MPHOSPH10: variants seen among roughly 807,000 people sequenced by gnomAD.
MPHOSPH10 encodes the protein M-phase phosphoprotein 10, also known as U3 small nucleolar ribonucleoprotein MPP10.
MPHOSPH10 carries 33 observed loss-of-function variants against 77.3 expected under a neutral mutation model. That is an observed-to-expected ratio of 0.43 (90% CI 0.32 to 0.57). The LOEUF is 0.57. Among genes scored for constraint, MPHOSPH10 ranks in the 20% least tolerant of loss-of-function variants. The probability of loss-of-function intolerance (pLI) is 0.07; values close to 1 mark genes in which losing one functional copy is unlikely to be tolerated. For synonymous variants in MPHOSPH10, 245 were observed against 268.0 expected (o/e 0.91, Z 0.84); for missense variants, 708 against 780.1 (o/e 0.91, Z 1.10).
At chr2:71,141,831 A>G (rs1300352547) in intron 7 of MPHOSPH10, among the ~76,000 whole-genome samples, 1 of 151,900 alleles carries the variant, frequency 6.6e-6, no homozygotes, top group Non-Finnish European at 1.5e-5. Context: ...GGAGTTTTAG[A>G]CCTGCCTGGC....
chr2:71,137,102 G>GA (rs1369391530), intron 4 of MPHOSPH10, among the ~76,000 whole-genome samples: 1 of 150,848 alleles, frequency 6.6e-6, no homozygotes, highest in Non-Finnish European at 1.5e-5. Context: ...ACATTAAGGA[G>GA]AAAAAACATA....
Position 71,138,774 on chromosome 2 carries a change from C to T in MPHOSPH10, c.1240+143C>T, listed in dbSNP as rs560264103. 3.8e-5 allele frequency: 45 copies of T among 1,181,222 alleles called. No homozygotes were observed. The African/African-American group carries it at 5.6e-4, about 15-fold the overall frequency. 73.2% of individuals were successfully genotyped at this position (1,181,222 alleles called of 1,614,324 possible). On this transcript the variant is annotated intron_variant, in intron 5 of 10. Transcript: ENST00000244230. Reference sequence around the variant, plus strand: ...ACATGGCTTGGCATGGTAGCTCACACCTGTAATCCCGGCACTTTGGGAGGC... The same window carrying T: ...ACATGGCTTGGCATGGTAGCTCACATCTGTAATCCCGGCACTTTGGGAGGC...
chr2:71,132,867 A>T, intron 1 of MPHOSPH10, 31 bp from the exon 2 acceptor site: 1 of 1,541,554 alleles, frequency 6.5e-7, no homozygotes. Context: ...ATTACCTGTA[A>T]TTCTAAATCT....
At chr2:71,137,910 G>C (rs866126110) in intron 4 of MPHOSPH10, among the ~76,000 whole-genome samples, 1 of 151,916 alleles carries the variant, frequency 6.6e-6, no homozygotes, top group African/African-American at 2.4e-5. Context: ...CCCAGCACTT[G>C]GTGAAACCCC....
In MPHOSPH10 at chr2:71,134,026, C is replaced by A; in HGVS notation, c.847C>A (p.His283Asn). 2 of 1,608,568 alleles carry A rather than the reference C, an allele frequency of 1.2e-6. No homozygotes were observed. Among genetic ancestry groups the A allele is most frequent in the South Asian group, 2.2e-5 (2 of 90,222 alleles). The change falls in exon 3 of 11, where the codon CAT (histidine) becomes AAT (asparagine). Residue 283 changes from histidine (H) to asparagine (N), a missense_variant. Physicochemically the swap from His to Asn is moderately conservative, Grantham distance 68. Coordinates refer to ENST00000244230, the MANE Select transcript of MPHOSPH10 (RefSeq NM_005791.3). Reference protein sequence around the residue: ...VESDEDITNVHDDELDSNKED... With the variant: ...VESDEDITNVNDDELDSNKED... ...AAGTGATGAAGACATAACAAATGTT[C>A]ATGATGATGAGCTGGATTCAAACAA...
At chr2:71,135,382 CT>C (rs1673467369) in intron 4 of MPHOSPH10, among the ~76,000 whole-genome samples, 1 of 127,628 alleles carries the variant, frequency 7.8e-6, no homozygotes, top group Non-Finnish European at 1.7e-5. Flanking sequence ...CCCATCTCTA[CT>C]AAAAAAAAAA....
chr2:71,139,818 A>G lies in MPHOSPH10; in HGVS notation c.1264A>G (p.Thr422Ala), dbSNP rs1673577178. 6.2e-7 allele frequency: 1 copy of G among 1,610,118 alleles called. No homozygotes were observed. Among genetic ancestry groups the G allele is most frequent in the Non-Finnish European group, 8.5e-7 (1 of 1,178,122 alleles). Residue 422 changes from threonine (T) to alanine (A), a missense_variant, in exon 6 of 11, where the codon ACC becomes GCC. Around this residue, in one of 3 missense-constraint regions of MPHOSPH10, gnomAD observed 263 missense variants for 320.0 expected, o/e 0.82. Transcript: ENST00000244230. ...RMAPVITEET[T>A]LQLEDIIKQR... ...AGCACCTGTGATTACAGAGGAAACC[A>G]CCCTTCAACTGGAAGATATCATTAA... is the stretch of plus-strand genomic sequence containing the variant.
At position 71,144,644 on chromosome 2, in the gene MPHOSPH10, G is replaced by A. The variant is rs868017555; in HGVS notation, c.1557+106G>A. 4.7e-6 allele frequency: 4 copies of A among 855,098 alleles called. No homozygotes were observed. Among genetic ancestry groups the A allele is most frequent in the African/African-American group, 3.5e-5 (2 of 57,910 alleles). The allele number at this position is 855,098 out of a possible 1,614,324, so 53.0% of individuals were successfully genotyped here. On this transcript the variant is annotated intron_variant, in intron 8 of 10. Transcript: ENST00000244230. ...TTTTGTTTCAGGATACAAACTTGTAGTTTGCTGTAAATTCCAGGCAGGGTC... is the reference window on the plus strand; with the variant it reads ...TTTTGTTTCAGGATACAAACTTGTAATTTGCTGTAAATTCCAGGCAGGGTC...
intron 8 of MPHOSPH10, among the ~76,000 whole-genome samples, chr2:71,146,495 C>G (rs1432397987): frequency 2.0e-5 from 3 of 152,240 alleles, no homozygotes; most frequent in East Asian, 3.9e-4. Context: ...ACCACCACGG[C>G]TGGCTAATTT....
Position 71,134,648 on chromosome 2 carries a change from G to A in MPHOSPH10, c.949G>A (p.Glu317Lys), listed in dbSNP as rs1270451641. The change falls in exon 4 of 11, where the codon GAA (glutamate) becomes AAA (lysine). Residue 317 changes from glutamate to lysine, a missense_variant. Coordinates refer to ENST00000244230, the MANE Select transcript of MPHOSPH10 (RefSeq NM_005791.3). ...SETDEDDDLQ[E>K]NEDNKQHKES... ...TAGGGATGAAGATGATGACCTTCAA[G>A]AAAATGAAGACAATAAACAACATAA... The A allele has an allele frequency of 1.2e-6, 2 of 1,603,920 alleles. No homozygotes were observed. The highest frequency in any genetic ancestry group is 1.7e-6 in the Non-Finnish European group (2 of 1,177,298).
chr2:71,149,276 CAAG>C lies in MPHOSPH10; in HGVS notation c.1722_1724del (p.Lys575del), dbSNP rs1558757575. The C allele has an allele frequency of 6.2e-7, 1 of 1,600,426 alleles. No homozygotes were observed. Among genetic ancestry groups the C allele is most frequent in the Non-Finnish European group, 8.5e-7 (1 of 1,173,278 alleles). ...CAGCTGCTGAAAAAACAGCTACAGACAAGAAACGAGAGCGAAGGAAAAAGAAAT... is the reference window on the plus strand; with the variant it reads ...CAGCTGCTGAAAAAACAGCTACAGACAAACGAGAGCGAAGGAAAAAGAAAT... On this transcript the variant is annotated inframe_deletion, in exon 10 of 11. Coordinates refer to ENST00000244230, the MANE Select transcript of MPHOSPH10 (RefSeq NM_005791.3).
chr2:71,130,722 C>T lies in MPHOSPH10; in HGVS notation c.57C>T (p.Gly19=), dbSNP rs1333148815. 7.4e-6 allele frequency: 12 copies of T among 1,610,834 alleles called. No individual in the cohort carries two copies. In the South Asian group the frequency reaches 1.3e-4, roughly 18 times the overall value. Residue 19 remains glycine (G), a synonymous_variant, in exon 1 of 11, where the codon GGC becomes GGT. Transcript: ENST00000244230. ...RTLERCLTEV[G]KATGRPECFL... ...TGGAGCGGTGTCTGACGGAAGTCGG[C>T]AAAGCCACGGGTCGGCCCGAGTGCT...
At chr2:71,144,642 T>A in intron 8 of MPHOSPH10, 104 bp downstream of exon 8, 1 of 850,722 alleles carries the variant, frequency 1.2e-6, no homozygotes, top group Non-Finnish European at 1.8e-6. Context: ...TACAAACTTG[T>A]AGTTTGCTGT....
chr2:71,145,228 C>T (rs1673684328), intron 8 of MPHOSPH10, among the ~76,000 whole-genome samples: 1 of 152,186 alleles, frequency 6.6e-6, no homozygotes, highest in Admixed American at 6.5e-5. Flanking sequence ...ATGCTTGTAC[C>T]ATCCTTTGGT....
chr2:71,136,848 CTT>C (rs60456435), intron 4 of MPHOSPH10, among the ~76,000 whole-genome samples: 21,504 of 118,568 alleles, frequency 0.18, 1,719 homozygotes, highest in South Asian at 0.22. Context: ...AACTTTCAAC[CTT>C]TTTTTTTTTT....
chr2:71,131,747 A>G (rs548932937), intron 1 of MPHOSPH10, among the ~76,000 whole-genome samples: 1 of 152,348 alleles, frequency 6.6e-6, no homozygotes, highest in East Asian at 1.9e-4. Context: ...TATTGTCCAG[A>G]AGAAGAATGT....
chr2:71,130,907 C>A, intron 1 of MPHOSPH10, 153 bp downstream of exon 1: 1 of 695,718 alleles, frequency 1.4e-6, no homozygotes, highest in Non-Finnish European at 2.3e-6. Context: ...CCTAGGCTAT[C>A]AAAATTTTAA....
chr2:71,138,713 T>C, intron 5 of MPHOSPH10, 82 bp downstream of exon 5: 2 of 1,570,658 alleles, frequency 1.3e-6, no homozygotes, highest in Non-Finnish European at 1.7e-6. Context: ...GTGGTGTTTC[T>C]TTTCCCTCAA....
intron 10 of MPHOSPH10, 26 bp from the exon 11 acceptor site, chr2:71,149,840 T>C: frequency 6.6e-7 from 1 of 1,512,060 alleles, no homozygotes; most frequent in Middle Eastern, 1.9e-4. Flanking sequence ...TTTTACAGCA[T>C]AAGCATGTGG....
Sources: gnomAD v4.1 joint callset for allele counts (sites outside exome capture counted in the v4.1 genomes callset) on GRCh38, gnomAD v4.1.1 for gene constraint, gnomAD v4.1.1 regional missense constraint, MANE v1.5 for transcripts, NCBI Gene and HGNC (gene_info 2026-07-23, HGNC 2026-07-21) for gene names.